Variants in KDM5A observed in about 807,000 individuals in gnomAD.
KDM5A encodes lysine-specific demethylase 5A.
KDM5A carries 42 observed loss-of-function variants against 193.5 expected under a neutral mutation model. The ratio of observed to expected loss-of-function variants is 0.22; its 90% CI spans 0.17 to 0.28. KDM5A has a LOEUF of 0.28. Among genes scored for constraint, KDM5A ranks in the 10% least tolerant of loss-of-function variants. The probability of loss-of-function intolerance (pLI) is 1.00; values close to 1 mark genes in which losing one functional copy is unlikely to be tolerated. For missense variants in KDM5A, 1,692 were observed against 2,055.1 expected (o/e 0.82, Z 3.42); for synonymous variants, 796 against 718.1 (o/e 1.11, Z -1.73).
intron 5 of KDM5A, among the ~76,000 whole-genome samples, chr12:357,412 G>T (rs1363143802): frequency 6.6e-6 from 1 of 151,610 alleles, no homozygotes. Context: ...GAGGCAGGAA[G>T]ATCACTTGAA....
intron 14 of KDM5A, among the ~76,000 whole-genome samples, chr12:324,505 G>A (rs1943759678): frequency 6.6e-6 from 1 of 152,130 alleles, no homozygotes; most frequent in African/African-American, 2.4e-5. Flanking sequence ...GAAGTATAAA[G>A]TAAATTGTGC....
rs1469628447 is a variant in KDM5A, at chr12:291,636, T to G, written c.4866+1123A>C. Among the ~76,000 whole-genome samples, 3 of 152,216 alleles carry G rather than the reference T, an allele frequency of 2.0e-5. No homozygotes were observed. In the East Asian group the frequency reaches 5.8e-4, roughly 29 times the overall value. ...TATAGGGAACAGTGATGCAGTTTTA[T>G]TTACTGTTTATATTTTCAAACTGAG... is the stretch of plus-strand genomic sequence containing the variant. On this transcript the variant is annotated intron_variant, in intron 27 of 27. Coordinates refer to ENST00000399788, the MANE Select transcript of KDM5A (RefSeq NM_001042603.3).
chr12:339,099 A>T (rs924693580), intron 10 of KDM5A, among the ~76,000 whole-genome samples: 4 of 150,734 alleles, frequency 2.7e-5, no homozygotes, highest in Non-Finnish European at 2.9e-5. Context: ...AAACGCCTGA[A>T]CCCGGGAGGC....
rs927531323 is a variant in KDM5A at position 281,512 on chromosome 12, A to T, written c.*3944T>A. Reference sequence around the variant, plus strand: ...AGGAGATACCACTTGGGACATTCATATCCAAAGAAGTAATGGTATGACTTA... The same window carrying T: ...AGGAGATACCACTTGGGACATTCATTTCCAAAGAAGTAATGGTATGACTTA... On this transcript the variant is annotated 3_prime_UTR_variant, in exon 28 of 28. Transcript: ENST00000399788. 4.3e-6 allele frequency: 1 copy of T among 233,106 alleles called. No homozygotes were observed. Among genetic ancestry groups the T allele is most frequent in the African/African-American group, 2.2e-5 (1 of 45,342 alleles). The allele number at this position is 233,106 out of a possible 1,614,324, so 14.4% of individuals were successfully genotyped here.
chr12:285,322 C>T lies in KDM5A; in HGVS notation c.*134G>A. 1 of 736,254 alleles carries T rather than the reference C, an allele frequency of 1.4e-6. No homozygotes were observed. The highest frequency in any genetic ancestry group is 2.4e-6 in the Non-Finnish European group (1 of 423,646). The allele number at this position is 736,254 out of a possible 1,614,324, so 45.6% of individuals were successfully genotyped here. ...AGAGTCCATGCAAAGAGGAAGCCAG[C>T]ACTAAGGGGACTTTCTCTGAAGGCC... On this transcript the variant is annotated 3_prime_UTR_variant, in exon 28 of 28. Transcript: ENST00000399788.
intron 22 of KDM5A, among the ~76,000 whole-genome samples, chr12:308,403 T>C (rs1002162860): frequency 6.6e-6 from 1 of 152,186 alleles, no homozygotes; most frequent in Admixed American, 6.5e-5. Flanking sequence ...TAAGATAACA[T>C]ATGAAAGTGC....
At chr12:371,853 G>A (rs1275558338) in intron 3 of KDM5A, among the ~76,000 whole-genome samples, 1 of 152,062 alleles carries the variant, frequency 6.6e-6, no homozygotes, top group Non-Finnish European at 1.5e-5. Flanking sequence ...CATTAAATAG[G>A]GAATCCTTTC....
Position 346,248 on chromosome 12 carries a change from C to T in KDM5A, c.1308+4373G>A, listed in dbSNP as rs149444597. 2.7e-3 allele frequency among the ~76,000 whole-genome samples: 413 copies of T among 152,302 alleles called. 2 individuals are homozygous for T. Among genetic ancestry groups the T allele is most frequent in the African/African-American group, 9.5e-3 (396 of 41,554 alleles). On this transcript the variant is annotated intron_variant, in intron 10 of 27. Coordinates refer to ENST00000399788, the MANE Select transcript of KDM5A (RefSeq NM_001042603.3). ...GTTGAATCTCTGAACAGACCAATAG[C>T]AGGCTCTGAAATTGAGGCAATAATA...
chr12:281,479 A>G lies in KDM5A; in HGVS notation c.*3977T>C. On this transcript the variant is annotated 3_prime_UTR_variant, in exon 28 of 28. Transcript: ENST00000399788. ...TACATTAACAGCCATTCTTCCTCAT[A>G]CTACAGTAGGAGATACCACTTGGGA... 2 of 233,176 alleles carry G rather than the reference A, an allele frequency of 8.6e-6. No homozygotes were observed. The highest frequency in any genetic ancestry group is 1.7e-5 in the Non-Finnish European group (2 of 118,012). 14.4% of individuals were successfully genotyped at this position (233,176 alleles called of 1,614,324 possible).
chr12:383,879 G>C, intron 3 of KDM5A, 152 bp downstream of exon 3: 1 of 840,062 alleles, frequency 1.2e-6, no homozygotes. Context: ...CTCCCGAGTA[G>C]CTGGGATTAC....
intron 8 of KDM5A, 149 bp from the exon 9 acceptor site, chr12:352,473 A>G: frequency 1.4e-6 from 1 of 697,090 alleles, no homozygotes; most frequent in Non-Finnish European, 2.5e-6. Context: ...GCTACTTACA[A>G]TACCGTATCA....
chr12:356,071 A>C (rs1246022280), intron 6 of KDM5A, among the ~76,000 whole-genome samples: 2 of 152,218 alleles, frequency 1.3e-5, no homozygotes, highest in African/African-American at 4.8e-5. Flanking sequence ...AAAATTCTAA[A>C]CTTCTCCCAG....
At chr12:293,482 T>G (rs113747349) in intron 26 of KDM5A, among the ~76,000 whole-genome samples, 4 of 152,026 alleles carry the variant, frequency 2.6e-5, no homozygotes, top group African/African-American at 7.2e-5. Flanking sequence ...TATGCTACAA[T>G]AAAAAAGATT....
chr12:348,949 T>C (rs1944114345), intron 10 of KDM5A, among the ~76,000 whole-genome samples: 1 of 146,160 alleles, frequency 6.8e-6, no homozygotes, highest in African/African-American at 2.5e-5. Context: ...GGTGTCAAAC[T>C]CGTTATAGGG....
At chr12:342,775 A>T (rs765797645) in intron 10 of KDM5A, among the ~76,000 whole-genome samples, 79 of 123,320 alleles carry the variant, frequency 6.4e-4, no homozygotes, top group African/African-American at 1.2e-3. Flanking sequence ...AATGTGATTT[A>T]AAAAAAAAAA....
Position 284,121 on chromosome 12 carries a change from G to A in KDM5A, c.*1335C>T, listed in dbSNP as rs942308276. The A allele has an allele frequency of 1.7e-5, 4 of 231,022 alleles. No homozygotes were observed. The highest frequency in any genetic ancestry group is 2.6e-5 in the Non-Finnish European group (3 of 116,932). 14.3% of individuals were successfully genotyped at this position (231,022 alleles called of 1,614,324 possible). A position where few individuals can be genotyped will look rare whatever the true frequency, so the allele number is the denominator to read the frequency against. On this transcript the variant is annotated 3_prime_UTR_variant, in exon 28 of 28. Coordinates refer to ENST00000399788, the MANE Select transcript of KDM5A (RefSeq NM_001042603.3). ...TGCTAACTCCTTGTACTACAAAGAAGGAATGGGATTTTTTTTTTTAAAGCA... is the reference window on the plus strand; with the variant it reads ...TGCTAACTCCTTGTACTACAAAGAAAGAATGGGATTTTTTTTTTTAAAGCA...
chr12:327,948 A>C (rs1017938406), intron 14 of KDM5A, among the ~76,000 whole-genome samples: 1 of 152,156 alleles, frequency 6.6e-6, no homozygotes, highest in African/African-American at 2.4e-5. Flanking sequence ...CAGAAGTTTG[A>C]GGCTGCAGTG....
Position 318,115 on chromosome 12 carries a change from A to C in KDM5A, c.2888T>G (p.Leu963Arg). The C allele has an allele frequency of 2.5e-6, 4 of 1,613,820 alleles. No individual in the cohort carries two copies. Among genetic ancestry groups the C allele is most frequent in the Non-Finnish European group, 3.4e-6 (4 of 1,179,716 alleles). The part of the protein sequence containing the change: ...ERWEEKAKVC[L>R]QARPRHSVAS... ...ACCAAAATGTGTTCACCTTGCCTGT[A>C]GGCAGACCTTAGCCTTTTCTTCCCA... The change falls in exon 19 of 28, where the codon CTA becomes CGA. Residue 963 changes from leucine (L) to arginine (R), a missense_variant. By Grantham distance (102) the Leu-to-Arg change is moderately radical. This residue lies in a region of KDM5A where 965 missense variants were observed against 1,061.0 expected (regional missense o/e 0.91). Coordinates refer to ENST00000399788, the MANE Select transcript of KDM5A (RefSeq NM_001042603.3).
chr12:364,535 C>T (rs1446218865), intron 4 of KDM5A, among the ~76,000 whole-genome samples: 1 of 151,238 alleles, frequency 6.6e-6, no homozygotes, highest in East Asian at 1.9e-4. Flanking sequence ...CCTGTAATCC[C>T]AGCACTTTGG....
Sources: gnomAD v4.1 joint callset for allele counts (sites outside exome capture counted in the v4.1 genomes callset) on GRCh38, gnomAD v4.1.1 for gene constraint, gnomAD v4.1.1 regional missense constraint, MANE v1.5 for transcripts, NCBI Gene and HGNC (gene_info 2026-07-23, HGNC 2026-07-21) for gene names.